EYA3: variants seen among roughly 807,000 people sequenced by gnomAD.
EYA3 encodes the protein protein phosphatase EYA3.
In EYA3, 39 loss-of-function variants were observed where a neutral mutation model predicts 80.0. The ratio of observed to expected loss-of-function variants is 0.49; its 90% CI spans 0.38 to 0.64. EYA3 has a LOEUF of 0.64. Ranked by LOEUF, EYA3 falls within the 30% of genes least tolerant of loss-of-function variation. The pLI is 0.00. For synonymous variants in EYA3, 206 were observed against 232.8 expected, an observed-to-expected ratio of 0.88 and a Z score of 1.05; for missense variants, 523 against 676.1, an observed-to-expected ratio of 0.77 and a Z score of 2.51.
At chr1:28,014,960 C>T (rs1016610562) in intron 8 of EYA3, among the ~76,000 whole-genome samples, 2 of 152,128 alleles carry the variant, frequency 1.3e-5, no homozygotes, top group African/African-American at 4.8e-5. Flanking sequence ...TGATCAGATA[C>T]ATTATTTCTA....
At chr1:28,068,909 C>T (rs1372180905) in intron 1 of EYA3, among the ~76,000 whole-genome samples, 1 of 152,084 alleles carries the variant, frequency 6.6e-6, no homozygotes, top group Non-Finnish European at 1.5e-5. Flanking sequence ...TGGGTTCAAG[C>T]GATTCTCATG....
At chr1:28,018,598 T>C (rs142471360) in intron 7 of EYA3, among the ~76,000 whole-genome samples, 19 of 152,266 alleles carry the variant, frequency 1.2e-4, no homozygotes, top group Admixed American at 3.9e-4. Context: ...ACAAATGCAA[T>C]AGAAACTTAA....
At chr1:28,068,459 G>A (rs530710115) in intron 1 of EYA3, among the ~76,000 whole-genome samples, 1 of 150,500 alleles carries the variant, frequency 6.6e-6, no homozygotes, top group South Asian at 2.1e-4. Flanking sequence ...TGTTCTTAAC[G>A]TTTTTAAATA....
intron 3 of EYA3, among the ~76,000 whole-genome samples, chr1:28,047,366 C>A (rs1001220861): frequency 1.7e-4 from 26 of 151,996 alleles, no homozygotes; most frequent in Admixed American, 1.4e-3. Context: ...AACTAAAGTT[C>A]TTTTTAAGGG....
intron 1 of EYA3, among the ~76,000 whole-genome samples, chr1:28,077,473 T>G (rs1471509079): frequency 1.3e-5 from 2 of 152,118 alleles, no homozygotes; most frequent in East Asian, 1.9e-4. Flanking sequence ...GTAAAAAGTA[T>G]TAAGAAGGAG....
In EYA3 at chr1:27,974,532, GA is replaced by G. The variant is rs1456626945; in HGVS notation, c.1655del (p.Phe552SerfsTer10). On this transcript the variant is annotated frameshift_variant, in exon 18 of 18. Transcript: ENST00000373871. LOFTEE classifies it high-confidence loss of function. ...EIAAKQHNMPFWRITNHGDLV... is the reference protein window; with the variant it reads ...EIAAKQHNMPXWRITNHGDLV... ...GGTCTCCATGGTTTGTGATCCTCCA[GA>G]AAGGCATGTTGTGCTGGAAGAGAGT... is the stretch of plus-strand genomic sequence containing the variant. The G allele has an allele frequency of 6.2e-6, 10 of 1,612,598 alleles. No homozygotes were observed. The Admixed American group carries it at 1.7e-4, about 27-fold the overall frequency.
In EYA3 at chr1:28,027,859, A is replaced by C. The variant is rs777449803; in HGVS notation, c.429T>G (p.Ser143Arg). The change falls in exon 7 of 18, where the codon AGT becomes AGG. Residue 143 changes from serine to arginine, a missense_variant. Physicochemically the swap from Ser to Arg is moderately radical, Grantham distance 110 (BLOSUM62 -1). Transcript: ENST00000373871. The stretch of plus-strand genomic sequence containing the variant: ...TTAACCCTGTAGTGCAGGTAAGAAC[A>C]CTGTGTTGACTTGGAGATGGAGTCT... ...LIQTPSPSQH[S>R]VLTCTTGLTT... The C allele has an allele frequency of 6.2e-7, 1 of 1,614,168 alleles. No individual in the cohort carries two copies. Among genetic ancestry groups the C allele is most frequent in the Non-Finnish European group, 8.5e-7 (1 of 1,180,014 alleles).
Position 28,058,095 on chromosome 1 carries a change from C to G in EYA3, c.-68-1G>C. 1 of 1,331,054 alleles carries G rather than the reference C, an allele frequency of 7.5e-7. No homozygotes were observed. The highest frequency in any genetic ancestry group is 1.0e-6 in the Non-Finnish European group (1 of 965,098). The allele number at this position is 1,331,054 out of a possible 1,614,324, so 82.5% of individuals were successfully genotyped here. On this transcript the variant is annotated splice_acceptor_variant, in intron 1 of 17. Transcript: ENST00000373871. LOFTEE classifies it low-confidence loss of function (5UTR_SPLICE). The stretch of plus-strand genomic sequence containing the variant: ...AGTCTCTCTCAGCAGTTTTCACAAT[C>G]TGTTTTTAAAAAGGAGGATTCAAAG...
chr1:27,999,364 T>TA (rs768348263), intron 12 of EYA3, among the ~76,000 whole-genome samples: 14 of 152,204 alleles, frequency 9.2e-5, no homozygotes, highest in Non-Finnish European at 1.3e-4. Context: ...ATGTTCACCT[T>TA]AAAGGTGAAC....
chr1:28,039,854 T>G (rs1643678231), intron 4 of EYA3, among the ~76,000 whole-genome samples: 1 of 152,232 alleles, frequency 6.6e-6, no homozygotes, highest in Non-Finnish European at 1.5e-5. Flanking sequence ...CTAATCATTT[T>G]GACAAAAATG....
chr1:28,075,940 C>CATACTAACATACTA (rs1645184708), intron 1 of EYA3, among the ~76,000 whole-genome samples: 1 of 152,164 alleles, frequency 6.6e-6, no homozygotes, highest in African/African-American at 2.4e-5. Flanking sequence ...CTAACATATC[C>CATACTAACATACTA]ACTCAGAATC....
chr1:28,023,095 G>GCAAA (rs1642556611), intron 7 of EYA3, among the ~76,000 whole-genome samples: 1 of 149,296 alleles, frequency 6.7e-6, no homozygotes, highest in Non-Finnish European at 1.5e-5. Context: ...GGGGGGGGGG[G>GCAAA]AAAACCAAAA....
intron 12 of EYA3, among the ~76,000 whole-genome samples, chr1:27,998,624 A>G (rs1209935636): frequency 6.6e-6 from 1 of 151,986 alleles, no homozygotes; most frequent in Non-Finnish European, 1.5e-5. Flanking sequence ...CGGTAATCCC[A>G]GTACTTTGGG....
intron 1 of EYA3, among the ~76,000 whole-genome samples, chr1:28,084,569 ATATATATATATATATATATATATATATT>A (rs1645550177): frequency 2.3e-4 from 2 of 8,708 alleles, no homozygotes; most frequent in Non-Finnish European, 5.1e-4. Context: ...ATATATATAT[ATATATATATATATATATATATATATATT>A]TTTTTTTTTT....
At chr1:27,977,163 A>C in intron 17 of EYA3, 1 of 1,437,134 alleles carries the variant, frequency 7.0e-7, no homozygotes, top group Non-Finnish European at 9.1e-7. Flanking sequence ...CAAAGAGGGC[A>C]ACAAGAAGCA....
At chr1:28,077,437 TC>T (rs1318025573) in intron 1 of EYA3, among the ~76,000 whole-genome samples, 1 of 152,156 alleles carries the variant, frequency 6.6e-6, no homozygotes, top group Non-Finnish European at 1.5e-5. Flanking sequence ...GAAGATGTGT[TC>T]CAAAGGAAAA....
chr1:28,078,853 CGAGCCCAGGCAGGCTAGCTTCAAAGCCT>C (rs1463258042), intron 1 of EYA3, among the ~76,000 whole-genome samples: 1 of 152,178 alleles, frequency 6.6e-6, no homozygotes, highest in African/African-American at 2.4e-5. Context: ...ACCTGGTATT[CGAGCCCAGGCAGGCTAGCTTCAAAGCCT>C]GAGTTCTCAA....
At chr1:28,062,326 A>C (rs1238187295) in intron 1 of EYA3, among the ~76,000 whole-genome samples, 2 of 152,236 alleles carry the variant, frequency 1.3e-5, no homozygotes, top group East Asian at 3.8e-4. Flanking sequence ...GAATGCTGAC[A>C]GTGAAAAAAT....
At position 28,010,946 on chromosome 1, in the gene EYA3, C is replaced by A; in HGVS notation, c.909+1G>T. On this transcript the variant is annotated splice_donor_variant, in intron 10 of 17. Coordinates refer to ENST00000373871, the MANE Select transcript of EYA3 (RefSeq NM_001990.4). LOFTEE classifies it high-confidence loss of function. ...GTAACTAAATCAGTTTCTTCTCATA[C>A]TTCTAATTCACTGTCTTGGGAAGAA... is the stretch of plus-strand genomic sequence containing the variant. The A allele has an allele frequency of 6.2e-7, 1 of 1,611,716 alleles. No individual in the cohort carries two copies. The highest frequency in any genetic ancestry group is 8.5e-7 in the Non-Finnish European group (1 of 1,179,254).
Sources: allele counts gnomAD v4.1 joint callset (sites outside exome capture counted in the v4.1 genomes callset), GRCh38; gene constraint gnomAD v4.1.1; transcripts MANE v1.5; gene names NCBI Gene and HGNC (gene_info 2026-07-23, HGNC 2026-07-21).